Variants in SEMA5B observed in about 807,000 individuals in gnomAD.
SEMA5B encodes semaphorin 5B.
Under a neutral mutation model 135.0 loss-of-function variants are expected in SEMA5B, and 66 were observed. The ratio of observed to expected loss-of-function variants is 0.49; its 90% CI spans 0.40 to 0.60. The LOEUF (loss-of-function observed/expected upper bound fraction) is 0.60. SEMA5B is among the 20% of genes least tolerant of loss of function. The pLI is 0.00. For missense variants in SEMA5B, 1,501 were observed against 1,566.3 expected, an observed-to-expected ratio of 0.96 and a Z score of 0.70; for synonymous variants, 690 against 639.5, an observed-to-expected ratio of 1.08 and a Z score of -1.19.
intron 22 of SEMA5B, 49 bp from the exon 23 acceptor site, chr3:122,910,350 G>A (rs762856221): frequency 6.3e-7 from 1 of 1,598,872 alleles, no homozygotes; most frequent in Non-Finnish European, 8.5e-7. Context: ...AACACACAGG[G>A]GAAGGGAACA....
At chr3:123,015,436 T>C (rs1942534918) in intron 1 of SEMA5B, among the ~76,000 whole-genome samples, 1 of 152,204 alleles carries the variant, frequency 6.6e-6, no homozygotes, top group African/African-American at 2.4e-5. Context: ...ACGGGTATGC[T>C]GGTCAGGCCT....
In SEMA5B at chr3:122,922,203, C is replaced by T. The variant is rs537384798; in HGVS notation, c.1480+37G>A. ...GCCCCGCGCCGTCCCTCAACCCACCCCCGACCTGCAGTCCAGGTTGGACCG... is the reference window on the plus strand; with the variant it reads ...GCCCCGCGCCGTCCCTCAACCCACCTCCGACCTGCAGTCCAGGTTGGACCG... On this transcript the variant is annotated intron_variant, in intron 11 of 22. Coordinates refer to ENST00000357599, the MANE Select transcript of SEMA5B (RefSeq NM_001031702.4). 88 of 1,588,344 alleles carry T rather than the reference C, an allele frequency of 5.5e-5. No individual in the cohort carries two copies. The Admixed American group carries it at 1.5e-3, about 27-fold the overall frequency.
chr3:122,954,085 A>G (rs193006161), intron 2 of SEMA5B, among the ~76,000 whole-genome samples: 2 of 152,346 alleles, frequency 1.3e-5, no homozygotes, highest in East Asian at 3.9e-4. Flanking sequence ...GAGACGGGAT[A>G]TCACTCTGCT....
intron 2 of SEMA5B, among the ~76,000 whole-genome samples, chr3:122,951,177 A>G (rs1256789974): frequency 6.6e-6 from 1 of 152,214 alleles, no homozygotes; most frequent in Non-Finnish European, 1.5e-5. Flanking sequence ...ATGGAAAAAT[A>G]TCCGTATCAA....
chr3:122,918,993 CTTT>C (rs63373262), intron 12 of SEMA5B, among the ~76,000 whole-genome samples: 1,869 of 80,332 alleles, frequency 0.023, 58 homozygotes, highest in African/African-American at 0.071. Context: ...ATCACCATGT[CTTT>C]TTTTTTTTTT....
chr3:122,910,992 C>A lies in SEMA5B; in HGVS notation c.3145G>T (p.Gly1049Trp), dbSNP rs1487759102. The change falls in exon 22 of 23, where the codon GGG becomes TGG. Residue 1049 changes from glycine (G) to tryptophan (W), a missense_variant. By Grantham distance (184) the Gly-to-Trp change is radical (BLOSUM62 -2). Coordinates refer to ENST00000357599, the MANE Select transcript of SEMA5B (RefSeq NM_001031702.4). ...ATGISCFLGSGLLTLAVYLSC... is the reference protein window; with the variant it reads ...ATGISCFLGSWLLTLAVYLSC... ...AGGTACACTGCTAGGGTCAGGAGCC[C>A]AGAGCCCAAGAAGCAGGAGATGCCC... The A allele has an allele frequency of 6.2e-7, 1 of 1,613,868 alleles. No homozygotes were observed. The highest frequency in any genetic ancestry group is 8.5e-7 in the Non-Finnish European group (1 of 1,179,942).
chr3:122,974,251 C>G (rs764659137), intron 1 of SEMA5B, among the ~76,000 whole-genome samples: 4 of 152,200 alleles, frequency 2.6e-5, no homozygotes, highest in Non-Finnish European at 5.9e-5. Context: ...TTTCTGGGAA[C>G]TGCTCCCAGC....
intron 1 of SEMA5B, among the ~76,000 whole-genome samples, chr3:123,014,464 A>G (rs1028266050): frequency 6.6e-5 from 10 of 152,242 alleles, no homozygotes; most frequent in Non-Finnish European, 1.2e-4. Flanking sequence ...ATCATTGTGT[A>G]TAAGCTAGAA....
intron 10 of SEMA5B, among the ~76,000 whole-genome samples, chr3:122,922,879 T>TCTA (rs1560299678): frequency 1.1e-4 from 16 of 151,856 alleles, no homozygotes; most frequent in Non-Finnish European, 1.8e-4. Context: ...CTGGAAGCCT[T>TCTA]CTGAGCATCT....
In SEMA5B at chr3:122,926,394, G is replaced by T; in HGVS notation, c.1134C>A (p.Asn378Lys). The T allele has an allele frequency of 6.2e-7, 1 of 1,610,050 alleles. No homozygotes were observed. The highest frequency in any genetic ancestry group is 8.5e-7 in the Non-Finnish European group (1 of 1,176,992). ...GGCTGGCAGAGGGCAGGACTCACAC[G>T]TTGGTTGTGAAAACTCCATAGATGA... ...QDLIYGVFTT[N>K]VNSIAASAVC... The change falls in exon 9 of 23, where the codon AAC becomes AAA. Residue 378 changes from asparagine to lysine, a missense_variant and splice_region_variant. Asn to Lys is a moderately conservative substitution (Grantham distance 94). Around this residue, in one of 2 missense-constraint regions of SEMA5B, gnomAD observed 574 missense variants for 684.7 expected, o/e 0.84. Transcript: ENST00000357599.
At position 122,957,585 on chromosome 3, in the gene SEMA5B, A is replaced by G. The variant is rs76825882; in HGVS notation, c.124+3555T>C. On this transcript the variant is annotated intron_variant, in intron 2 of 22. Transcript: ENST00000357599. Reference sequence around the variant, plus strand: ...AAAAGACAACCTACGACCCTAAAAGATGGGGGCTTGAGTACAAATGCCTGG... The same window carrying G: ...AAAAGACAACCTACGACCCTAAAAGGTGGGGGCTTGAGTACAAATGCCTGG... Among the ~76,000 whole-genome samples the G allele has an allele frequency of 8.6e-3, 1,315 of 152,348 alleles. 18 individuals are homozygous for G. The highest frequency in any genetic ancestry group is 0.03 in the African/African-American group (1,251 of 41,578).
chr3:122,984,507 T>G (rs1576390457), intron 1 of SEMA5B, among the ~76,000 whole-genome samples: 1 of 152,218 alleles, frequency 6.6e-6, no homozygotes, highest in Admixed American at 6.5e-5. Flanking sequence ...TGTCTTTGTC[T>G]CTTTGCTCTC....
intron 1 of SEMA5B, among the ~76,000 whole-genome samples, chr3:122,986,646 T>A (rs1278900285): frequency 6.7e-6 from 1 of 149,692 alleles, no homozygotes; most frequent in Non-Finnish European, 1.5e-5. Context: ...GTGCTGGTCT[T>A]CCCTCTACTT....
chr3:122,923,623 A>T lies in SEMA5B; in HGVS notation c.1266T>A (p.Asn422Lys), dbSNP rs763005131. ...AGAGGAGGAGATTCTGTACCTGGAA[A>T]TTGGGGATGGGGTTGGCTATGGGGA... ...AWLPIANPIP[N>K]FQCGTLPETG... The change falls in exon 10 of 23, where the codon AAT becomes AAA. Residue 422 changes from asparagine (N) to lysine (K), a missense_variant. Coordinates refer to ENST00000357599, the MANE Select transcript of SEMA5B (RefSeq NM_001031702.4). 3.7e-6 allele frequency: 6 copies of T among 1,613,988 alleles called. No individual in the cohort carries two copies. In the South Asian group the frequency reaches 6.6e-5, roughly 18 times the overall value.
Position 122,913,634 on chromosome 3 carries a change from G to T in SEMA5B, c.2180C>A (p.Ser727Tyr). 6.2e-7 allele frequency: 1 copy of T among 1,613,584 alleles called. No homozygotes were observed. Residue 727 changes from serine (S) to tyrosine (Y), a missense_variant, in exon 16 of 23, where the codon TCC becomes TAC. Coordinates refer to ENST00000357599, the MANE Select transcript of SEMA5B (RefSeq NM_001031702.4). ...TPCPVPIFWA[S>Y]WGSWSKCSSN... ...GCTGCACTTGCTCCAGGAGCCCCAG[G>T]AAGCCCAGAAGATGGGCACCGGGCA... is the stretch of plus-strand genomic sequence containing the variant.
chr3:122,943,659 CTGGTGCCACCTGCCCACCTCTGTG>C lies in SEMA5B; in HGVS notation c.329-148_329-125del, dbSNP rs1039384303. 3.0e-4 allele frequency: 196 copies of C among 649,028 alleles called. 2 individuals are homozygous for C. The highest frequency in any genetic ancestry group is 6.2e-5 in the Non-Finnish European group (23 of 371,796). The allele number at this position is 649,028 out of a possible 1,614,324, so 40.2% of individuals were successfully genotyped here. A position where few individuals can be genotyped will look rare whatever the true frequency, so the allele number is the denominator to read the frequency against. On this transcript the variant is annotated intron_variant, in intron 3 of 22. Transcript: ENST00000357599. ...AGTGGGGCGGTGGCACCCGGGAGAC[CTGGTGCCACCTGCCCACCTCTGTG>C]TGCCCCTAGGGACTTGGGAGTGGGT...
chr3:122,935,156 T>C (rs1939193322), intron 5 of SEMA5B, among the ~76,000 whole-genome samples: 1 of 152,224 alleles, frequency 6.6e-6, no homozygotes, highest in Non-Finnish European at 1.5e-5. Context: ...GGGAACTCCA[T>C]GGGAGGTCTC....
intron 4 of SEMA5B, among the ~76,000 whole-genome samples, chr3:122,941,393 C>A (rs532267506): frequency 5.9e-5 from 9 of 152,202 alleles, no homozygotes; most frequent in Non-Finnish European, 8.8e-5. Flanking sequence ...AGCCGCAGAG[C>A]GGATGAGGAA....
intron 5 of SEMA5B, among the ~76,000 whole-genome samples, chr3:122,937,708 T>A (rs1939360260): frequency 1.3e-5 from 2 of 152,168 alleles, no homozygotes; most frequent in African/African-American, 4.8e-5. Context: ...AGGTCAACAC[T>A]GACCTGGATG....
Sources: gnomAD v4.1 joint callset for allele counts (sites outside exome capture counted in the v4.1 genomes callset) on GRCh38, gnomAD v4.1.1 for gene constraint, gnomAD v4.1.1 regional missense constraint, MANE v1.5 for transcripts, NCBI Gene and HGNC (gene_info 2026-07-23, HGNC 2026-07-21) for gene names.